Variants in EIF2B3 observed in about 807,000 individuals in gnomAD.
EIF2B3 encodes the protein eukaryotic translation initiation factor 2B subunit gamma.
EIF2B3 carries 20 observed loss-of-function variants against 54.1 expected under a neutral mutation model. That is an observed-to-expected ratio of 0.37 (90% confidence interval 0.26 to 0.54). The LOEUF (loss-of-function observed/expected upper bound fraction) is 0.54, where lower values mean the gene tolerates loss of function less well. Among genes scored for constraint, EIF2B3 ranks in the 20% least tolerant of loss-of-function variants. The pLI, the probability that EIF2B3 is intolerant of heterozygous loss-of-function variation, is 0.86. For missense variants in EIF2B3, 448 were observed against 547.8 expected, an observed-to-expected ratio of 0.82 and a Z score of 1.82; for synonymous variants, 153 against 188.1, an observed-to-expected ratio of 0.81 and a Z score of 1.52.
intron 3 of EIF2B3, among the ~76,000 whole-genome samples, chr1:44,951,410 A>G (rs1465625476): frequency 1.3e-5 from 2 of 152,086 alleles, no homozygotes; most frequent in African/African-American, 4.8e-5. Flanking sequence ...AGGATCCTCA[A>G]TCCATTTGTT....
chr1:44,979,650 C>T (rs1644492500), intron 2 of EIF2B3, among the ~76,000 whole-genome samples: 1 of 151,388 alleles, frequency 6.6e-6, no homozygotes, highest in African/African-American at 2.4e-5. Context: ...CAGAGCAAGA[C>T]TCTGTCTCTA....
intron 5 of EIF2B3, among the ~76,000 whole-genome samples, chr1:44,922,114 C>T (rs1440680589): frequency 6.6e-6 from 1 of 150,946 alleles, no homozygotes; most frequent in African/African-American, 2.4e-5. Flanking sequence ...ACCACACTGG[C>T]CAGGCTGGTC....
intron 5 of EIF2B3, among the ~76,000 whole-genome samples, chr1:44,924,774 G>GT (rs1643819926): frequency 6.6e-6 from 1 of 152,080 alleles, no homozygotes; most frequent in Non-Finnish European, 1.5e-5. Flanking sequence ...GTAATAAGTA[G>GT]TTTTATGGTT....
chr1:44,979,809 CA>C (rs1475593784), intron 2 of EIF2B3, among the ~76,000 whole-genome samples: 1 of 151,906 alleles, frequency 6.6e-6, no homozygotes, highest in Non-Finnish European at 1.5e-5. Flanking sequence ...ATTAAAAATA[CA>C]AAAAAATTAG....
chr1:44,944,854 T>C (rs1256491702), intron 3 of EIF2B3, among the ~76,000 whole-genome samples: 7 of 152,034 alleles, frequency 4.6e-5, no homozygotes, highest in South Asian at 2.1e-4. Flanking sequence ...CTGGAAAACA[T>C]TGGACCAAAT....
intron 11 of EIF2B3, among the ~76,000 whole-genome samples, chr1:44,855,177 G>A (rs536223736): frequency 1.2e-4 from 19 of 152,212 alleles, no homozygotes; most frequent in Non-Finnish European, 1.5e-5. Context: ...CCACTGTGCT[G>A]GATGCACTGG....
At position 44,941,613 on chromosome 1, in the gene EIF2B3, T is replaced by A; in HGVS notation, c.347A>T (p.Glu116Val). Residue 116 changes from glutamate (E) to valine (V), a missense_variant, in exon 4 of 12, where the codon GAG (glutamate) becomes GTG (valine). Glu to Val is a moderately radical substitution (Grantham distance 121). Around this residue, in one of 3 missense-constraint regions of EIF2B3, gnomAD observed 350 missense variants for 414.2 expected, o/e 0.85. Coordinates refer to ENST00000360403, the MANE Select transcript of EIF2B3 (RefSeq NM_020365.5). Reference sequence around the variant, plus strand: ...ATAAGCTCTAAACAGGTCCACAACCTCATGTAAGGCAACGTCTGTTATCAG... The same window carrying A: ...ATAAGCTCTAAACAGGTCCACAACCACATGTAAGGCAACGTCTGTTATCAG... ...CDLITDVALH[E>V]VVDLFRAYDA... The A allele has an allele frequency of 6.2e-7, 1 of 1,614,040 alleles. No homozygotes were observed. The highest frequency in any genetic ancestry group is 8.5e-7 in the Non-Finnish European group (1 of 1,180,018).
chr1:44,958,800 CAAGAGATCGT>C (rs751546091), intron 3 of EIF2B3: 42 of 1,291,738 alleles, frequency 3.3e-5, no homozygotes, highest in Non-Finnish European at 3.9e-5. Context: ...AGGACTGCGA[CAAGAGATCGT>C]GTTGGACGTT....
chr1:44,978,385 A>G lies in EIF2B3; in HGVS notation c.224T>C (p.Ile75Thr), dbSNP rs144054571. Residue 75 changes from isoleucine to threonine, a missense_variant, in exon 3 of 12, where the codon ATT becomes ACT. Ile to Thr is a moderately conservative substitution (Grantham distance 89, BLOSUM62 -1). Around this residue, in one of 3 missense-constraint regions of EIF2B3, gnomAD observed 95 missense variants for 115.7 expected, o/e 0.82. Transcript: ENST00000360403. ...AEFKMKMKPD[I>T]VCIPDDADMG... ...GTCAGCGTCATCAGGAATACACACA[A>G]TATCTGGCTTCATTTTCATCTTGAA... 326 of 1,614,042 alleles carry G rather than the reference A, an allele frequency of 2.0e-4. 3 individuals are homozygous for G. In the African/African-American group the frequency reaches 3.3e-3, roughly 16 times the overall value.
chr1:44,969,904 T>A (rs1459988850), intron 3 of EIF2B3: 1 of 152,186 alleles, frequency 6.6e-6, no homozygotes, highest in Non-Finnish European at 1.5e-5. Flanking sequence ...ATATGAAACA[T>A]TATTATGGAG....
At chr1:44,860,895 A>T (rs1246858289) in intron 10 of EIF2B3, among the ~76,000 whole-genome samples, 1 of 152,218 alleles carries the variant, frequency 6.6e-6, no homozygotes, top group Non-Finnish European at 1.5e-5. Flanking sequence ...AGGACATTCC[A>T]AGGACTAAAA....
intron 5 of EIF2B3, among the ~76,000 whole-genome samples, chr1:44,911,669 C>G (rs1005810629): frequency 1.3e-5 from 2 of 152,150 alleles, no homozygotes; most frequent in Non-Finnish European, 2.9e-5. Flanking sequence ...ACCAGAGAAA[C>G]GTATGAGTCT....
At chr1:44,952,205 C>T (rs1455493367) in intron 3 of EIF2B3, among the ~76,000 whole-genome samples, 2 of 126,216 alleles carry the variant, frequency 1.6e-5, no homozygotes, top group Admixed American at 7.9e-5. Context: ...CCTCGTGATC[C>T]GCCCGCCTCG....
At chr1:44,858,441 G>C (rs2148893579) in intron 10 of EIF2B3, among the ~76,000 whole-genome samples, 1 of 152,156 alleles carries the variant, frequency 6.6e-6, no homozygotes, top group East Asian at 1.9e-4. Flanking sequence ...TCTCACCACA[G>C]ACTCTGGTTA....
At chr1:44,904,100 A>C (rs957000337) in intron 5 of EIF2B3, among the ~76,000 whole-genome samples, 1 of 152,088 alleles carries the variant, frequency 6.6e-6, no homozygotes, top group Non-Finnish European at 1.5e-5. Context: ...AACAAACAAA[A>C]AAACCCAAAA....
chr1:44,856,302 G>A (rs1002608105), intron 11 of EIF2B3, among the ~76,000 whole-genome samples: 1 of 151,940 alleles, frequency 6.6e-6, no homozygotes, highest in Non-Finnish European at 1.5e-5. Context: ...CTTGCTTGAG[G>A]CCAGGAGTTC....
intron 7 of EIF2B3, 109 bp from the exon 8 acceptor site, chr1:44,880,117 T>C (rs1655342418): frequency 8.1e-7 from 1 of 1,233,560 alleles, no homozygotes; most frequent in African/African-American, 1.5e-5. Flanking sequence ...GGTCTTGCTA[T>C]GTTGCCTAGG....
chr1:44,857,617 T>G, intron 11 of EIF2B3, 87 bp downstream of exon 11: 1 of 1,268,052 alleles, frequency 7.9e-7, no homozygotes, highest in South Asian at 1.2e-5. Flanking sequence ...ACGTATGTGC[T>G]TGTTTCCCAC....
chr1:44,962,656 C>T (rs1445616514), intron 3 of EIF2B3, among the ~76,000 whole-genome samples: 1 of 152,134 alleles, frequency 6.6e-6, no homozygotes, highest in Non-Finnish European at 1.5e-5. Flanking sequence ...CTCAAGTGAT[C>T]CTCCTGCCTT....
Sources: gnomAD v4.1 joint callset for allele counts (sites outside exome capture counted in the v4.1 genomes callset) on GRCh38, gnomAD v4.1.1 for gene constraint, gnomAD v4.1.1 regional missense constraint, MANE v1.5 for transcripts, NCBI Gene and HGNC (gene_info 2026-07-23, HGNC 2026-07-21) for gene names.